The following AP2B1 variants were observed in gnomAD, a reference collection of about 807,000 sequenced individuals.
AP2B1 encodes the protein AP-2 complex subunit beta.
In AP2B1, 23 loss-of-function variants were observed where a neutral mutation model predicts 102.0. The observed-to-expected ratio is 0.23, with a 90% CI of 0.16 to 0.32. The LOEUF is 0.32. Among genes scored for constraint, AP2B1 ranks in the 10% least tolerant of loss-of-function variants. The pLI is 1.00. For missense variants in AP2B1, 541 were observed against 1,157.4 expected, an observed-to-expected ratio of 0.47 and a Z score of 7.73; for synonymous variants, 381 against 421.2, an observed-to-expected ratio of 0.90 and a Z score of 1.17.
At chr17:35,716,589 A>G (rs1555589973) in intron 20 of AP2B1, among the ~76,000 whole-genome samples, 1 of 149,160 alleles carries the variant, frequency 6.7e-6, no homozygotes, top group East Asian at 2.0e-4. Flanking sequence ...AAGGCTTAAG[A>G]AATCATTTCT....
intron 5 of AP2B1, among the ~76,000 whole-genome samples, chr17:35,610,907 CA>C (rs566884121): frequency 7.8e-4 from 105 of 134,346 alleles, no homozygotes; most frequent in Admixed American, 1.1e-3. Context: ...ACTCTTGTCT[CA>C]AAAAAAAAAA....
chr17:35,641,446 C>A (rs180969320), intron 11 of AP2B1, among the ~76,000 whole-genome samples: 4 of 152,192 alleles, frequency 2.6e-5, no homozygotes, highest in African/African-American at 7.2e-5. Context: ...GTTGTAGTGG[C>A]TTGCACCTGT....
At chr17:35,607,542 T>A (rs1161850900) in intron 4 of AP2B1, among the ~76,000 whole-genome samples, 1 of 152,220 alleles carries the variant, frequency 6.6e-6, no homozygotes, top group African/African-American at 2.4e-5. Flanking sequence ...GTGTTCTTTC[T>A]CCATATTCTA....
At chr17:35,636,831 A>C (rs2074620167) in intron 10 of AP2B1, among the ~76,000 whole-genome samples, 1 of 152,214 alleles carries the variant, frequency 6.6e-6, no homozygotes, top group Non-Finnish European at 1.5e-5. Context: ...TTTTCTTCTC[A>C]GAAATGTATA....
chr17:35,609,257 T>C (rs1598022078), intron 5 of AP2B1, among the ~76,000 whole-genome samples: 1 of 152,266 alleles, frequency 6.6e-6, no homozygotes. Context: ...CAGTCATAGC[T>C]CACTGTAACT....
intron 9 of AP2B1, 150 bp from the exon 10 acceptor site, chr17:35,636,191 A>G: frequency 1.1e-5 from 6 of 557,762 alleles, no homozygotes; most frequent in Non-Finnish European, 1.9e-5. Context: ...ATAGCTTGGT[A>G]TCTAGCCTGT....
intron 10 of AP2B1, among the ~76,000 whole-genome samples, chr17:35,637,252 G>A (rs886066227): frequency 6.6e-6 from 1 of 151,950 alleles, no homozygotes; most frequent in South Asian, 2.1e-4. Context: ...TGGTGCGATC[G>A]CAGCTCACTG....
At chr17:35,692,856 A>G (rs1041210620) in intron 18 of AP2B1, among the ~76,000 whole-genome samples, 3 of 152,128 alleles carry the variant, frequency 2.0e-5, no homozygotes, top group South Asian at 4.1e-4. Flanking sequence ...TCTGTTTTTG[A>G]TGGAATTCCC....
chr17:35,702,998 C>T (rs587678353), intron 18 of AP2B1, among the ~76,000 whole-genome samples: 22 of 152,228 alleles, frequency 1.4e-4, no homozygotes, highest in African/African-American at 4.8e-4. Flanking sequence ...ATGGGCCGGG[C>T]GCGGTGGCTC....
intron 14 of AP2B1, among the ~76,000 whole-genome samples, chr17:35,664,284 C>T (rs1598216918): frequency 6.6e-6 from 1 of 152,056 alleles, no homozygotes; most frequent in African/African-American, 2.4e-5. Flanking sequence ...GACAAGGTCT[C>T]GCTTTGTCAC....
At chr17:35,710,180 C>A in intron 19 of AP2B1, 54 bp from the exon 20 acceptor site, 1 of 1,307,352 alleles carries the variant, frequency 7.6e-7, no homozygotes, top group South Asian at 1.2e-5. Context: ...CATCGAAAAT[C>A]AGAATACTGA....
chr17:35,599,612 A>G (rs962976535), intron 3 of AP2B1, among the ~76,000 whole-genome samples: 2 of 152,328 alleles, frequency 1.3e-5, no homozygotes. Context: ...TATTCGAAAT[A>G]AAGTGTGGAG....
In AP2B1 at chr17:35,722,677, C is replaced by T. The variant is rs60179974; in HGVS notation, c.2782-948C>T. Among the ~76,000 whole-genome samples, 1,025 of 152,182 alleles carry T rather than the reference C, an allele frequency of 6.7e-3. 6 individuals are homozygous for T. Among genetic ancestry groups the T allele is most frequent in the African/African-American group, 0.024 (982 of 41,506 alleles). On this transcript the variant is annotated intron_variant, in intron 21 of 21. Transcript: ENST00000610402. ...AGAGGTAAAATAGTCTAAAATCTCACGGTGCTACATCATTCAAGACAATTT... is the reference window on the plus strand; with the variant it reads ...AGAGGTAAAATAGTCTAAAATCTCATGGTGCTACATCATTCAAGACAATTT...
At chr17:35,715,931 A>G in intron 20 of AP2B1, among the ~76,000 whole-genome samples, 1 of 152,206 alleles carries the variant, frequency 6.6e-6, no homozygotes, top group East Asian at 1.9e-4. Context: ...TGCGAGAAAG[A>G]CATCAGGGTG....
chr17:35,639,138 G>A (rs1033825257), intron 10 of AP2B1, among the ~76,000 whole-genome samples: 4 of 151,958 alleles, frequency 2.6e-5, no homozygotes, highest in Non-Finnish European at 5.9e-5. Flanking sequence ...GAGACCAGCC[G>A]GTCAACATAG....
At chr17:35,648,440 C>T (rs964283482) in intron 12 of AP2B1, among the ~76,000 whole-genome samples, 24 of 151,974 alleles carry the variant, frequency 1.6e-4, no homozygotes, top group African/African-American at 5.1e-4. Flanking sequence ...CACTTGAACC[C>T]GAGAGGCAGA....
In AP2B1 at chr17:35,709,460, A is replaced by G; in HGVS notation, c.2539+152A>G. The G allele has an allele frequency of 7.7e-6, 5 of 648,462 alleles. No individual in the cohort carries two copies. The Middle Eastern group carries it at 7.5e-4, about 97-fold the overall frequency. The allele number at this position is 648,462 out of a possible 1,614,324, so 40.2% of individuals were successfully genotyped here. A position where few individuals can be genotyped will look rare whatever the true frequency, so the allele number is the denominator to read the frequency against. On this transcript the variant is annotated intron_variant, in intron 19 of 21. Transcript: ENST00000610402. ...AGCTCTTAATAATTGCTCATTATTTATTCTCCTGTGTCACAATTGTTCTTG... is the reference window on the plus strand; with the variant it reads ...AGCTCTTAATAATTGCTCATTATTTGTTCTCCTGTGTCACAATTGTTCTTG...
At chr17:35,618,230 C>T (rs767911587) in intron 5 of AP2B1, among the ~76,000 whole-genome samples, 2 of 152,194 alleles carry the variant, frequency 1.3e-5, no homozygotes, top group Non-Finnish European at 2.9e-5. Flanking sequence ...CTGAAACTCT[C>T]AGAACAAATA....
At chr17:35,591,374 C>T (rs2073094861) in intron 1 of AP2B1, among the ~76,000 whole-genome samples, 1 of 151,978 alleles carries the variant, frequency 6.6e-6, no homozygotes, top group Admixed American at 6.6e-5. Context: ...AGTTTCGCCA[C>T]GTTCCCCAGA....
Sources: gnomAD v4.1 joint callset for allele counts (sites outside exome capture counted in the v4.1 genomes callset) on GRCh38, gnomAD v4.1.1 for gene constraint, MANE v1.5 for transcripts, NCBI Gene and HGNC (gene_info 2026-07-23, HGNC 2026-07-21) for gene names.